The following STARD9 variants were observed in gnomAD, a reference collection of about 807,000 sequenced individuals.
STARD9 encodes the protein StAR related lipid transfer domain containing 9.
STARD9 carries 346 observed loss-of-function variants against 399.8 expected under a neutral mutation model. The ratio of observed to expected loss-of-function variants is 0.87; its 90% CI spans 0.79 to 0.95. The LOEUF (loss-of-function observed/expected upper bound fraction) is 0.95, where lower values mean the gene tolerates loss of function less well. Among genes scored for constraint, STARD9 ranks in the 40% least tolerant of loss-of-function variants. STARD9 has a pLI of 0.00. For missense variants in STARD9, 5,832 were observed against 5,667.5 expected, an observed-to-expected ratio of 1.03 and a Z score of -0.93; for synonymous variants, 2,203 against 2,143.5, an observed-to-expected ratio of 1.03 and a Z score of -0.77.
intron 3 of STARD9, among the ~76,000 whole-genome samples, chr15:42,618,219 A>G (rs1276214524): frequency 6.7e-6 from 1 of 150,100 alleles, no homozygotes; most frequent in Non-Finnish European, 1.5e-5. Flanking sequence ...TGCATTCTTG[A>G]CCTCCTGAGC....
intron 3 of STARD9, among the ~76,000 whole-genome samples, chr15:42,599,727 C>T (rs1288592755): frequency 6.6e-6 from 1 of 152,140 alleles, no homozygotes; most frequent in Non-Finnish European, 1.5e-5. Flanking sequence ...GCACAGTGAC[C>T]ATTCATTTAT....
chr15:42,689,088 C>T lies in STARD9; in HGVS notation c.7510C>T (p.Pro2504Ser). The T allele has an allele frequency of 1.3e-6, 2 of 1,537,290 alleles. No homozygotes were observed. The highest frequency in any genetic ancestry group is 1.7e-6 in the Non-Finnish European group (2 of 1,146,904). ...LEEDSDQASK[P>S]RQKAEKETED... ...AGAGGATAGTGACCAAGCCAGCAAG[C>T]CAAGGCAGAAGGCAGAGAAGGAGAC... is the stretch of plus-strand genomic sequence containing the variant. Residue 2504 changes from proline (P) to serine (S), a missense_variant, in exon 23 of 33, where the codon CCA (proline) becomes TCA (serine). By Grantham distance (74) the Pro-to-Ser change is moderately conservative. Transcript: ENST00000290607.
At chr15:42,591,392 G>A (rs904478275) in intron 3 of STARD9, among the ~76,000 whole-genome samples, 5 of 152,024 alleles carry the variant, frequency 3.3e-5, no homozygotes, top group Non-Finnish European at 7.4e-5. Flanking sequence ...GGAGGCTGAA[G>A]CAGGAGAATT....
rs764571946 is a variant in STARD9, at chr15:42,688,495, C to T, written c.6917C>T (p.Thr2306Met). The change falls in exon 23 of 33, where the codon ACG (threonine) becomes ATG (methionine). Residue 2306 changes from threonine (T) to methionine (M), a missense_variant. This residue lies in a region of STARD9 where 5,828 missense variants were observed against 5,651.1 expected (regional missense o/e 1.03). Coordinates refer to ENST00000290607, the MANE Select transcript of STARD9 (RefSeq NM_020759.3). ...AGTCTCAGCCAGCTTTGTAGGGACA[C>T]GTTTTTCAGGCAGGAAACTGTCAGC... The part of the protein sequence containing the change: ...FPSLSQLCRD[T>M]FFRQETVSPL... 1.1e-4 allele frequency: 164 copies of T among 1,537,738 alleles called. No homozygotes were observed. The highest frequency in any genetic ancestry group is 1.7e-4 in the Middle Eastern group (1 of 6,016).
chr15:42,704,864 G>A (rs1246522115), intron 26 of STARD9, among the ~76,000 whole-genome samples: 2 of 152,202 alleles, frequency 1.3e-5, no homozygotes, highest in African/African-American at 4.8e-5. Flanking sequence ...TCCTGTGGCT[G>A]CCACAGCTGA....
At chr15:42,717,451 T>C (rs1006959275) in intron 28 of STARD9, among the ~76,000 whole-genome samples, 1 of 151,866 alleles carries the variant, frequency 6.6e-6, no homozygotes, top group Non-Finnish European at 1.5e-5. Flanking sequence ...GGTGAGACCC[T>C]GTCTCTACCA....
At chr15:42,717,481 C>G (rs1282630190) in intron 28 of STARD9, among the ~76,000 whole-genome samples, 1 of 151,884 alleles carries the variant, frequency 6.6e-6, no homozygotes, top group Non-Finnish European at 1.5e-5. Context: ...AAAAAGATAG[C>G]TGGGTGTGGT....
At chr15:42,711,661 C>A (rs544324984) in intron 26 of STARD9, among the ~76,000 whole-genome samples, 1 of 152,108 alleles carries the variant, frequency 6.6e-6, no homozygotes, top group Non-Finnish European at 1.5e-5. Context: ...GAGCTTCATT[C>A]GTTTTTATGG....
In STARD9 at chr15:42,647,358, T is replaced by TGA. The variant is rs1218900799; in HGVS notation, c.560-3657_560-3656insAG. Among the ~76,000 whole-genome samples the TGA allele has an allele frequency of 2.0e-5, 3 of 152,320 alleles. No individual in the cohort carries two copies. The East Asian group carries it at 5.8e-4, about 29-fold the overall frequency. On this transcript the variant is annotated intron_variant, in intron 7 of 32. Coordinates refer to ENST00000290607, the MANE Select transcript of STARD9 (RefSeq NM_020759.3). Reference sequence around the variant, plus strand: ...AAGTTAAACTTTCCTACTATGAGTATGGATGCCTTTTTCTCCTTTTAATTC... The same window carrying TGA: ...AAGTTAAACTTTCCTACTATGAGTATGAGGATGCCTTTTTCTCCTTTTAATTC...
chr15:42,667,207 C>T (rs529939307), intron 15 of STARD9, among the ~76,000 whole-genome samples: 3 of 144,826 alleles, frequency 2.1e-5, no homozygotes, highest in South Asian at 2.2e-4. Context: ...TTTTTTGAAA[C>T]GGAGTCTCAC....
rs879863919 is a variant in STARD9, at chr15:42,581,966, TCAACAA to T, written c.48-1367_48-1362del. On this transcript the variant is annotated intron_variant, in intron 1 of 32. Transcript: ENST00000290607. ...AGGAGTTCAATACCAATCTGTGTCG[TCAACAA>T]CAACAACAACAAAAAAATTAGCTGG... Among the ~76,000 whole-genome samples the T allele has an allele frequency of 7.2e-5, 11 of 151,882 alleles. 1 individual carries two copies. Among genetic ancestry groups the T allele is most frequent in the East Asian group, 1.9e-4 (1 of 5,176 alleles).
intron 2 of STARD9, among the ~76,000 whole-genome samples, 170 bp downstream of exon 2, chr15:42,583,585 A>G (rs1049772263): frequency 1.3e-5 from 2 of 152,156 alleles, no homozygotes; most frequent in Non-Finnish European, 2.9e-5. Context: ...TCAAGAAATC[A>G]AGAAAGAAGT....
chr15:42,674,746 A>T, intron 17 of STARD9, 81 bp from the exon 18 acceptor site: 1 of 1,448,346 alleles, frequency 6.9e-7, no homozygotes, highest in Non-Finnish European at 9.1e-7. Flanking sequence ...CAGATTTTGG[A>T]TTCTGATCTC....
chr15:42,673,682 A>G (rs1313488152), intron 16 of STARD9, among the ~76,000 whole-genome samples: 1 of 152,232 alleles, frequency 6.6e-6, no homozygotes, highest in Admixed American at 6.5e-5. Context: ...TGAATAGTCA[A>G]TAAATGATAA....
intron 26 of STARD9, among the ~76,000 whole-genome samples, chr15:42,702,563 A>G (rs965103607): frequency 3.3e-5 from 5 of 150,146 alleles, no homozygotes; most frequent in South Asian, 2.1e-4. Context: ...GGAGTTGTCT[A>G]TCTATCACAG....
intron 3 of STARD9, among the ~76,000 whole-genome samples, chr15:42,599,932 A>G (rs2058588991): frequency 6.6e-6 from 1 of 152,226 alleles, no homozygotes; most frequent in African/African-American, 2.4e-5. Context: ...TACTTAAGGA[A>G]TCCAGAAGAA....
rs1205970590 is a variant in STARD9 at position 42,693,974 on chromosome 15, T to A, written c.12396T>A (p.Ser4132Arg). 1 of 1,508,180 alleles carries A rather than the reference T, an allele frequency of 6.6e-7. No homozygotes were observed. Among genetic ancestry groups the A allele is most frequent in the Non-Finnish European group, 8.8e-7 (1 of 1,130,478 alleles). 93.4% of individuals were successfully genotyped at this position (1,508,180 alleles called of 1,614,324 possible). A position where few individuals can be genotyped will look rare whatever the true frequency, so the allele number is the denominator to read the frequency against. ...TGGCCCCTGAGCACCAGCACCACAG[T>A]CTGAGGGACCTCCCGGTGCATAACA... Reference protein sequence around the residue: ...MCMAPEHQHHSLRDLPVHNKF... With the variant: ...MCMAPEHQHHRLRDLPVHNKF... The change falls in exon 23 of 33, where the codon AGT becomes AGA. Residue 4132 changes from serine to arginine, a missense_variant. Around this residue, in one of 2 missense-constraint regions of STARD9, gnomAD observed 5,828 missense variants for 5,651.1 expected, o/e 1.03. Coordinates refer to ENST00000290607, the MANE Select transcript of STARD9 (RefSeq NM_020759.3).
chr15:42,622,160 T>C (rs770917374), intron 3 of STARD9, among the ~76,000 whole-genome samples: 3 of 152,132 alleles, frequency 2.0e-5, no homozygotes, highest in African/African-American at 4.8e-5. Context: ...GCAACTGTAG[T>C]CCTAGCTACT....
chr15:42,673,827 G>A, intron 16 of STARD9: 1 of 439,508 alleles, frequency 2.3e-6, no homozygotes, highest in Non-Finnish European at 4.6e-6. Flanking sequence ...TGATTCATTT[G>A]TACTAACTCC....
Sources: gnomAD v4.1 joint callset for allele counts (sites outside exome capture counted in the v4.1 genomes callset) on GRCh38, gnomAD v4.1.1 for gene constraint, gnomAD v4.1.1 regional missense constraint, MANE v1.5 for transcripts, NCBI Gene and HGNC (gene_info 2026-07-23, HGNC 2026-07-21) for gene names.